The following TPPP variants were observed in gnomAD, a reference collection of about 807,000 sequenced individuals.
TPPP encodes the protein tubulin polymerization-promoting protein.
Under a neutral mutation model 15.5 loss-of-function variants are expected in TPPP, and 6 were observed. The observed-to-expected ratio is 0.39, with a 90% CI of 0.21 to 0.77. The LOEUF (loss-of-function observed/expected upper bound fraction) is 0.77. TPPP is among the 30% of genes least tolerant of loss of function. TPPP has a pLI of 0.42. For synonymous variants in TPPP, 146 were observed against 133.9 expected (o/e 1.09, Z -0.63); for missense variants, 269 against 307.2 (o/e 0.88, Z 0.93).
At chr5:673,503 G>A (rs958340456) in intron 2 of TPPP, among the ~76,000 whole-genome samples, 7 of 152,188 alleles carry the variant, frequency 4.6e-5, no homozygotes, top group East Asian at 1.9e-4. Flanking sequence ...CCCTCAGGCC[G>A]GAGTCCCAGT....
intron 2 of TPPP, among the ~76,000 whole-genome samples, chr5:670,680 G>A (rs1740189640): frequency 6.6e-6 from 1 of 152,160 alleles, no homozygotes; most frequent in African/African-American, 2.4e-5. Context: ...GGAGGGTCCA[G>A]TGGTCCCGTT....
chr5:669,288 G>A (rs1020902868), intron 2 of TPPP, among the ~76,000 whole-genome samples: 1 of 152,104 alleles, frequency 6.6e-6, no homozygotes, highest in African/African-American at 2.4e-5. Flanking sequence ...AGCCCGGTGA[G>A]CCGGAGGTGC....
chr5:691,817 CT>C, intron 1 of TPPP, among the ~76,000 whole-genome samples: 3 of 98,292 alleles, frequency 3.1e-5, no homozygotes, highest in Non-Finnish European at 7.1e-5. Context: ...AACAGCAGCC[CT>C]CAACCCCCAT....
intron 2 of TPPP, among the ~76,000 whole-genome samples, chr5:669,297 G>T (rs887454658): frequency 6.6e-6 from 1 of 152,058 alleles, no homozygotes; most frequent in African/African-American, 2.4e-5. Context: ...AGCCGGAGGT[G>T]CCCTGGGCAG....
intron 2 of TPPP, among the ~76,000 whole-genome samples, chr5:675,112 A>G (rs1298369773): frequency 2.0e-3 from 11 of 5,440 alleles, no homozygotes; most frequent in East Asian, 4.6e-3. Context: ...GGGGTGCAGC[A>G]CGGGGGGTAC....
chr5:695,664 CT>C (rs1177445233), upstream of TPPP, among the ~76,000 whole-genome samples: 4 of 151,934 alleles, frequency 2.6e-5, no homozygotes, highest in East Asian at 7.7e-4. Flanking sequence ...ACCTCTGCCC[CT>C]GTCCTCACGG....
At position 660,738 on chromosome 5, in the gene TPPP, G is replaced by C. The variant is rs1358093219; in HGVS notation, c.*4364C>G. The C allele has an allele frequency of 1.3e-5, 2 of 152,400 alleles. No homozygotes were observed. The highest frequency in any genetic ancestry group is 1.5e-5 in the Non-Finnish European group (1 of 68,134). The allele number at this position is 152,400 out of a possible 1,614,324, so 9.4% of individuals were successfully genotyped here. ...TGTGTGAAAACACAGGACAGGCCCT[G>C]TGCCAACAAAACACCATTCACAAAA... On this transcript the variant is annotated 3_prime_UTR_variant, in exon 4 of 4. Transcript: ENST00000360578.
intron 2 of TPPP, among the ~76,000 whole-genome samples, chr5:667,915 TACCGACAAGCACACAGAGA>T (rs1331675155): frequency 1.6e-5 from 1 of 64,120 alleles, no homozygotes. Context: ...GTCAGGGAAG[TACCGACAAGCACACAGAGA>T]GGGGGCCGTG....
In TPPP at chr5:666,023, G is replaced by A. The variant is rs200582979; in HGVS notation, c.412C>T (p.Arg138Cys). The A allele has an allele frequency of 8.1e-6, 13 of 1,598,446 alleles. No homozygotes were observed. The highest frequency in any genetic ancestry group is 1.7e-4 in the Middle Eastern group (1 of 6,010). Reference protein sequence around the residue: ...FKDKSSEEAVREVHRLIEGKA... With the variant: ...FKDKSSEEAVCEVHRLIEGKA... ...CCCTCGATGAGCCTGTGCACCTCGC[G>A]AACGGCCTCCTCGCTGCTCTTGTCT... Residue 138 changes from arginine to cysteine, a missense_variant, in exon 3 of 4, where the codon CGC becomes TGC. Transcript: ENST00000360578.
the TPPP span, among the ~76,000 whole-genome samples, chr5:698,565 G>A: frequency 6.6e-6 from 1 of 152,090 alleles, no homozygotes; most frequent in East Asian, 1.9e-4. Context: ...ACGGCAGCAG[G>A]CAAGAGAGAG....
chr5:672,103 G>T (rs1740243120), intron 2 of TPPP, among the ~76,000 whole-genome samples: 1 of 152,238 alleles, frequency 6.6e-6, no homozygotes, highest in Non-Finnish European at 1.5e-5. Flanking sequence ...GCTCCTGGGA[G>T]GTGGTTGGGT....
At position 678,764 on chromosome 5, in the gene TPPP, C is replaced by T. The variant is rs369187079; in HGVS notation, c.-4-700G>A. ...GGGCACCGGTGTCAGGGCGCAGGGACGCCCTCTGGACTTTGCAAGGCGCCC... is the reference window on the plus strand; with the variant it reads ...GGGCACCGGTGTCAGGGCGCAGGGATGCCCTCTGGACTTTGCAAGGCGCCC... On this transcript the variant is annotated intron_variant, in intron 1 of 3. Coordinates refer to ENST00000360578, the MANE Select transcript of TPPP (RefSeq NM_007030.3). Among the ~76,000 whole-genome samples, 360 of 152,280 alleles carry T rather than the reference C, an allele frequency of 2.4e-3. 2 individuals are homozygous for T. The highest frequency in any genetic ancestry group is 0.016 in the South Asian group (77 of 4,826).
At chr5:692,721 G>A (rs1302170009) in intron 1 of TPPP, 5 of 981,430 alleles carry the variant, frequency 5.1e-6, no homozygotes, top group African/African-American at 1.8e-5. Flanking sequence ...GAGGCTCTGC[G>A]GGGGGCGGTC....
At chr5:671,491 T>C (rs1740222884) in intron 2 of TPPP, among the ~76,000 whole-genome samples, 1 of 152,244 alleles carries the variant, frequency 6.6e-6, no homozygotes. Context: ...CCTTCTCAAA[T>C]GACCTGTGTT....
At chr5:694,527 C>T (rs1170726950), upstream of TPPP, among the ~76,000 whole-genome samples, 4 of 117,134 alleles carry the variant, frequency 3.4e-5, no homozygotes, top group South Asian at 6.2e-4. Flanking sequence ...CCTCACAGCC[C>T]GGCGGCTTGG....
chr5:666,815 G>C (rs1201926197), intron 2 of TPPP: 1 of 152,226 alleles, frequency 6.6e-6, no homozygotes, highest in Non-Finnish European at 1.5e-5. Context: ...CTGACTCTTG[G>C]TTTTTATATA....
chr5:692,905 T>G, intron 1 of TPPP: 2 of 931,242 alleles, frequency 2.1e-6, no homozygotes, highest in South Asian at 1.0e-4. Context: ...GGGAAACGGT[T>G]CGAGTCCCGA....
At chr5:667,015 G>A (rs1382379757) in intron 2 of TPPP, 2 of 152,230 alleles carry the variant, frequency 1.3e-5, no homozygotes, top group African/African-American at 2.4e-5. Context: ...CAAGCATTCC[G>A]AGGGCACTCC....
chr5:665,458 C>T (rs976450051), intron 3 of TPPP, 162 bp from the exon 4 acceptor site: 3 of 700,990 alleles, frequency 4.3e-6, no homozygotes, highest in Non-Finnish European at 7.0e-6. Context: ...TTTACCTCTC[C>T]TGACCCTGGG....
Sources: allele counts gnomAD v4.1 joint callset (sites outside exome capture counted in the v4.1 genomes callset), GRCh38; gene constraint gnomAD v4.1.1; transcripts MANE v1.5; gene names NCBI Gene and HGNC (gene_info 2026-07-23, HGNC 2026-07-21).